Variants in KCND3 observed in about 807,000 individuals in gnomAD.
KCND3 encodes A-type voltage-gated potassium channel KCND3.
Under a neutral mutation model 51.1 loss-of-function variants are expected in KCND3, and 9 were observed. That is an observed-to-expected ratio of 0.18 (90% confidence interval 0.11 to 0.31). The LOEUF (loss-of-function observed/expected upper bound fraction) is 0.31. Among genes scored for constraint, KCND3 ranks in the 10% least tolerant of loss-of-function variants. KCND3 has a pLI of 1.00. For missense variants in KCND3, 526 were observed against 903.8 expected (o/e 0.58, Z 5.36); for synonymous variants, 349 against 368.0 (o/e 0.95, Z 0.59).
rs115775538 is a variant in KCND3 at position 111,851,319 on chromosome 1, G to T, written c.1107-64213C>A. 3.9e-3 allele frequency among the ~76,000 whole-genome samples: 592 copies of T among 152,258 alleles called. 5 individuals carry two copies. Among genetic ancestry groups the T allele is most frequent in the African/African-American group, 0.014 (568 of 41,522 alleles). ...CACCTTCATATCATCTAACACATGT[G>T]GTAGGTGCTTGATAAATGCTTGCTG... On this transcript the variant is annotated intron_variant, in intron 2 of 7. Coordinates refer to ENST00000302127, the MANE Select transcript of KCND3 (RefSeq NM_001378969.1).
intron 7 of KCND3, among the ~76,000 whole-genome samples, chr1:111,776,797 T>G (rs563358101): frequency 1.3e-5 from 2 of 152,172 alleles, no homozygotes; most frequent in South Asian, 4.1e-4. Context: ...TAAAGTTTTT[T>G]TTTTTCCCTG....
At chr1:111,819,281 T>G (rs1666243788) in intron 2 of KCND3, among the ~76,000 whole-genome samples, 1 of 151,706 alleles carries the variant, frequency 6.6e-6, no homozygotes, top group Admixed American at 6.6e-5. Flanking sequence ...TCTACCTGGA[T>G]AGTAGAAGTG....
rs1668430293 is a variant in KCND3, at chr1:111,863,628, TA to T, written c.1107-76523del. 2.6e-5 allele frequency among the ~76,000 whole-genome samples: 4 copies of T among 152,278 alleles called. No individual in the cohort carries two copies. The South Asian group carries it at 8.3e-4, about 32-fold the overall frequency. On this transcript the variant is annotated intron_variant, in intron 2 of 7. Coordinates refer to ENST00000302127, the MANE Select transcript of KCND3 (RefSeq NM_001378969.1). ...AAGGGCAATCAGAGGGGCAATGAAG[TA>T]GGAGAGGCAGAGGTCACAGGGGACT... is the stretch of plus-strand genomic sequence containing the variant.
intron 2 of KCND3, among the ~76,000 whole-genome samples, chr1:111,861,211 G>C (rs965370784): frequency 6.6e-6 from 1 of 152,102 alleles, no homozygotes; most frequent in African/African-American, 2.4e-5. Context: ...ATAACAATGG[G>C]GTAGGGGCTT....
chr1:111,879,818 G>C (rs1440175102), intron 2 of KCND3, among the ~76,000 whole-genome samples: 1 of 152,196 alleles, frequency 6.6e-6, no homozygotes, highest in Non-Finnish European at 1.5e-5. Flanking sequence ...CTGTAATGCA[G>C]ACTTGAGTAG....
chr1:111,877,020 C>T (rs920605325), intron 2 of KCND3, among the ~76,000 whole-genome samples: 2 of 152,230 alleles, frequency 1.3e-5, no homozygotes, highest in Non-Finnish European at 2.9e-5. Context: ...GCCATCCAAA[C>T]ACATTTAGAA....
At chr1:111,809,909 C>A (rs966251015) in intron 2 of KCND3, among the ~76,000 whole-genome samples, 2 of 152,162 alleles carry the variant, frequency 1.3e-5, no homozygotes, top group African/African-American at 4.8e-5. Flanking sequence ...GCTCTAGAAG[C>A]CTCTTCATTC....
At chr1:111,864,992 T>A (rs1426825340) in intron 2 of KCND3, among the ~76,000 whole-genome samples, 2 of 151,554 alleles carry the variant, frequency 1.3e-5, no homozygotes, top group African/African-American at 4.9e-5. Flanking sequence ...CACAGGGTGG[T>A]GGGGGTGGGC....
intron 2 of KCND3, among the ~76,000 whole-genome samples, chr1:111,968,674 A>G (rs1674153324): frequency 6.6e-6 from 1 of 152,160 alleles, no homozygotes. Flanking sequence ...GCCAGGACCT[A>G]CTGCAGAGGG....
At chr1:111,891,768 T>C (rs1669831596) in intron 2 of KCND3, among the ~76,000 whole-genome samples, 1 of 152,244 alleles carries the variant, frequency 6.6e-6, no homozygotes, top group African/African-American at 2.4e-5. Context: ...AAATATTTGC[T>C]GAGTAAATGA....
intron 2 of KCND3, among the ~76,000 whole-genome samples, chr1:111,882,198 G>A (rs1171953090): frequency 6.6e-6 from 1 of 152,172 alleles, no homozygotes; most frequent in Non-Finnish European, 1.5e-5. Context: ...CAACTTAGGA[G>A]GATCAATGAG....
chr1:111,817,001 A>T (rs1300706173), intron 2 of KCND3, among the ~76,000 whole-genome samples: 1 of 152,166 alleles, frequency 6.6e-6, no homozygotes, highest in African/African-American at 2.4e-5. Flanking sequence ...CAATGTTTTT[A>T]AAAATTCAAT....
intron 2 of KCND3, among the ~76,000 whole-genome samples, chr1:111,980,105 C>G (rs1402788014): frequency 6.6e-6 from 1 of 152,132 alleles, no homozygotes; most frequent in African/African-American, 2.4e-5. Context: ...CAAAATACCC[C>G]ACTGTGCCAA....
chr1:111,940,259 T>C (rs1672452614), intron 2 of KCND3, among the ~76,000 whole-genome samples: 1 of 152,060 alleles, frequency 6.6e-6, no homozygotes, highest in African/African-American at 2.4e-5. Flanking sequence ...TTCTGGCTTT[T>C]GTTGCCATTG....
At chr1:111,961,774 G>T (rs1673675690) in intron 2 of KCND3, among the ~76,000 whole-genome samples, 1 of 152,210 alleles carries the variant, frequency 6.6e-6, no homozygotes, top group South Asian at 2.1e-4. Flanking sequence ...CTGGGTTCCA[G>T]TGATGTGACC....
rs1663964793 is a variant in KCND3 at position 111,772,529 on chromosome 1, G to A, written c.*3548C>T. 6.6e-6 allele frequency: 1 copy of A among 152,202 alleles called. No individual in the cohort carries two copies. Among genetic ancestry groups the A allele is most frequent in the East Asian group, 1.9e-4 (1 of 5,200 alleles). The allele number at this position is 152,202 out of a possible 1,614,324, so 9.4% of individuals were successfully genotyped here. A position where few individuals can be genotyped will look rare whatever the true frequency, so the allele number is the denominator to read the frequency against. On this transcript the variant is annotated 3_prime_UTR_variant, in exon 8 of 8. Coordinates refer to ENST00000302127, the MANE Select transcript of KCND3 (RefSeq NM_001378969.1). The stretch of plus-strand genomic sequence containing the variant: ...ACTGCTCTCAGAGGCAGTGGGTGTG[G>A]TAGAAAATGCATTAGACTAATAGCC...
intron 3 of KCND3, among the ~76,000 whole-genome samples, chr1:111,781,452 C>T (rs554351528): frequency 4.6e-5 from 7 of 152,224 alleles, no homozygotes; most frequent in South Asian, 2.1e-4. Context: ...AGTAGGTTCT[C>T]GATTTTTAAA....
intron 2 of KCND3, among the ~76,000 whole-genome samples, chr1:111,826,641 C>T (rs776355002): frequency 2.5e-4 from 38 of 152,096 alleles, no homozygotes; most frequent in Non-Finnish European, 4.4e-4. Flanking sequence ...ACTATGTCAA[C>T]GAGTTCATGG....
At chr1:111,824,420 T>A (rs1666485990) in intron 2 of KCND3, among the ~76,000 whole-genome samples, 2 of 152,210 alleles carry the variant, frequency 1.3e-5, no homozygotes, top group Non-Finnish European at 2.9e-5. Context: ...CCCTGGTGAT[T>A]CTGCCATACC....
Sources: gnomAD v4.1 joint callset for allele counts (sites outside exome capture counted in the v4.1 genomes callset) on GRCh38, gnomAD v4.1.1 for gene constraint, MANE v1.5 for transcripts, NCBI Gene and HGNC (gene_info 2026-07-23, HGNC 2026-07-21) for gene names.